Variants in MED27 observed in about 807,000 individuals in gnomAD.
MED27 encodes the protein mediator of RNA polymerase II transcription subunit 27.
MED27 carries 30 observed loss-of-function variants against 38.2 expected under a neutral mutation model. That is an observed-to-expected ratio of 0.79 (90% CI 0.59 to 1.07). The LOEUF is 1.07. Ranked by LOEUF, MED27 falls within the 50% of genes least tolerant of loss-of-function variation. MED27 has a pLI of 0.00. For missense variants in MED27, 289 were observed against 397.5 expected (o/e 0.73, Z 2.32); for synonymous variants, 122 against 153.5 (o/e 0.79, Z 1.52).
chr9:131,945,084 T>A (rs1433661601), intron 3 of MED27, among the ~76,000 whole-genome samples: 3 of 146,872 alleles, frequency 2.0e-5, no homozygotes, highest in Admixed American at 6.8e-5. Flanking sequence ...TAAATATATA[T>A]AAATAATTTT....
chr9:132,061,417 A>G (rs903401708), intron 2 of MED27, among the ~76,000 whole-genome samples: 2 of 152,228 alleles, frequency 1.3e-5, no homozygotes, highest in Non-Finnish European at 2.9e-5. Context: ...TGCTTTTTAT[A>G]CTGACACTGC....
chr9:132,048,367 G>A (rs1292801086), intron 2 of MED27, among the ~76,000 whole-genome samples: 2 of 152,114 alleles, frequency 1.3e-5, no homozygotes, highest in Admixed American at 1.3e-4. Context: ...CATTCCTACA[G>A]CTGATAGTTA....
intron 4 of MED27, among the ~76,000 whole-genome samples, chr9:131,937,392 G>A (rs571922488): frequency 1.3e-5 from 2 of 152,260 alleles, no homozygotes; most frequent in South Asian, 2.1e-4. Context: ...CTGAATTAGC[G>A]GGGGTGGATG....
At chr9:132,004,121 G>C (rs542928949) in intron 3 of MED27, among the ~76,000 whole-genome samples, 58 of 152,294 alleles carry the variant, frequency 3.8e-4, no homozygotes, top group Admixed American at 3.7e-3. Context: ...GCAGGGGAGC[G>C]AATCAGTTCT....
chr9:131,873,991 G>T (rs373070526), intron 6 of MED27, among the ~76,000 whole-genome samples: 7 of 152,160 alleles, frequency 4.6e-5, no homozygotes, highest in Admixed American at 1.3e-4. Flanking sequence ...AGCCTTTAGG[G>T]GTGATGTACC....
At chr9:131,884,724 C>T (rs1839108072) in intron 5 of MED27, among the ~76,000 whole-genome samples, 1 of 150,726 alleles carries the variant, frequency 6.6e-6, no homozygotes, top group Non-Finnish European at 1.5e-5. Flanking sequence ...TCTCCTGCTT[C>T]AGCCTCCTGA....
At chr9:132,054,359 C>T (rs1295052964) in intron 2 of MED27, among the ~76,000 whole-genome samples, 2 of 152,166 alleles carry the variant, frequency 1.3e-5, no homozygotes, top group African/African-American at 4.8e-5. Flanking sequence ...CCCCAGAAGC[C>T]CAGAAGCTCA....
At chr9:131,875,704 C>T (rs534241703) in intron 6 of MED27, among the ~76,000 whole-genome samples, 1 of 152,360 alleles carries the variant, frequency 6.6e-6, no homozygotes, top group East Asian at 1.9e-4. Flanking sequence ...GCCTTAACCT[C>T]CCACACCCAA....
intron 3 of MED27, among the ~76,000 whole-genome samples, chr9:131,950,359 G>T (rs912860023): frequency 6.6e-6 from 1 of 152,158 alleles, no homozygotes; most frequent in Non-Finnish European, 1.5e-5. Flanking sequence ...AGCTGGCGAG[G>T]GCAGATGATG....
intron 2 of MED27, among the ~76,000 whole-genome samples, chr9:132,066,504 G>A (rs961349329): frequency 1.3e-5 from 2 of 152,216 alleles, no homozygotes; most frequent in African/African-American, 2.4e-5. Context: ...TGAGCAAACC[G>A]TCCCCAGTGT....
At chr9:131,929,764 A>G (rs1218108422) in intron 4 of MED27, among the ~76,000 whole-genome samples, 1 of 152,158 alleles carries the variant, frequency 6.6e-6, no homozygotes, top group Non-Finnish European at 1.5e-5. Context: ...TTTGACTCCA[A>G]TCCCTGGCTC....
chr9:131,899,493 G>A (rs1206547254), intron 4 of MED27, among the ~76,000 whole-genome samples: 1 of 152,206 alleles, frequency 6.6e-6, no homozygotes, highest in Non-Finnish European at 1.5e-5. Flanking sequence ...TGCAGGCAGT[G>A]TGACCCAGGG....
chr9:132,002,219 A>G (rs150202131), intron 3 of MED27, among the ~76,000 whole-genome samples: 23 of 152,326 alleles, frequency 1.5e-4, no homozygotes, highest in African/African-American at 5.1e-4. Flanking sequence ...CTCCAAACAC[A>G]AAGAATGTCC....
intron 6 of MED27, among the ~76,000 whole-genome samples, chr9:131,881,520 T>A (rs1231460497): frequency 2.6e-5 from 4 of 152,158 alleles, no homozygotes; most frequent in African/African-American, 9.7e-5. Context: ...GTAAAGGGTG[T>A]TAGAAGAATC....
chr9:131,962,550 T>C (rs1054453046), intron 3 of MED27, among the ~76,000 whole-genome samples: 1 of 152,198 alleles, frequency 6.6e-6, no homozygotes, highest in African/African-American at 2.4e-5. Flanking sequence ...GTGATTTTTT[T>C]TTTTTTGTGA....
chr9:131,909,345 T>G (rs542756771), intron 4 of MED27, among the ~76,000 whole-genome samples: 1 of 152,342 alleles, frequency 6.6e-6, no homozygotes, highest in South Asian at 2.1e-4. Flanking sequence ...ATAGGCCCTC[T>G]TTTTCAAGGT....
intron 4 of MED27, among the ~76,000 whole-genome samples, chr9:131,899,741 C>A (rs934471303): frequency 2.6e-5 from 4 of 152,336 alleles, no homozygotes; most frequent in East Asian, 1.9e-4. Context: ...CTCTAGCAGA[C>A]CTTCCAGCCC....
intron 6 of MED27, among the ~76,000 whole-genome samples, chr9:131,875,299 G>A (rs1232199889): frequency 6.6e-6 from 1 of 152,156 alleles, no homozygotes; most frequent in African/African-American, 2.4e-5. Context: ...CAGAAGAGCA[G>A]ATAACATGCC....
chr9:131,939,508 C>T lies in MED27; in HGVS notation c.480-34G>A, dbSNP rs1830746245. The stretch of plus-strand genomic sequence containing the variant: ...GAAAAAAATAAACATGTGTGAACTA[C>T]AACTCCAGTTAAGAGCTACAGATTA... On this transcript the variant is annotated intron_variant, in intron 3 of 7. Transcript: ENST00000292035. 6 of 1,394,992 alleles carry T rather than the reference C, an allele frequency of 4.3e-6. No homozygotes were observed. In the South Asian group the frequency reaches 6.2e-5, roughly 14 times the overall value. 86.4% of individuals were successfully genotyped at this position (1,394,992 alleles called of 1,614,324 possible). A position where few individuals can be genotyped will look rare whatever the true frequency, so the allele number is the denominator to read the frequency against.
Sources: allele counts gnomAD v4.1 joint callset (sites outside exome capture counted in the v4.1 genomes callset), GRCh38; gene constraint gnomAD v4.1.1; transcripts MANE v1.5; gene names NCBI Gene and HGNC (gene_info 2026-07-23, HGNC 2026-07-21).